The following DPP6 variants were observed in gnomAD, a reference collection of about 807,000 sequenced individuals.
DPP6 encodes A-type potassium channel modulatory protein DPP6.
Under a neutral mutation model 122.6 loss-of-function variants are expected in DPP6, and 69 were observed. That is an observed-to-expected ratio of 0.56 (90% CI 0.46 to 0.69). DPP6 has a LOEUF of 0.69. Among genes scored for constraint, DPP6 ranks in the 30% least tolerant of loss-of-function variants. The pLI is 0.00. For missense variants in DPP6, 928 were observed against 1,116.9 expected (o/e 0.83, Z 2.41); for synonymous variants, 418 against 433.1 (o/e 0.97, Z 0.43).
At chr7:154,527,997 AAAAC>A (rs1827545202) in intron 3 of DPP6, among the ~76,000 whole-genome samples, 1 of 152,184 alleles carries the variant, frequency 6.6e-6, no homozygotes, top group African/African-American at 2.4e-5. Flanking sequence ...TTTGAAAAAA[AAAAC>A]AAAAAAGGAA....
the DPP6 span, among the ~76,000 whole-genome samples, chr7:153,791,547 G>A: frequency 0.013 from 1,688 of 129,260 alleles, 3 homozygotes; most frequent in African/African-American, 0.047. Context: ...TCAGCCTCCC[G>A]TATAGCTAGG....
At chr7:154,583,512 C>T (rs1430522601) in intron 5 of DPP6, among the ~76,000 whole-genome samples, 2 of 152,162 alleles carry the variant, frequency 1.3e-5, no homozygotes, top group East Asian at 1.9e-4. Context: ...TCTTCTCTTG[C>T]GCACTCACCC....
chr7:154,295,667 C>CA (rs1451570668), intron 1 of DPP6, among the ~76,000 whole-genome samples: 4 of 152,134 alleles, frequency 2.6e-5, no homozygotes, highest in African/African-American at 9.7e-5. Context: ...ATCCACTCCC[C>CA]TTCCCCTCCC....
chr7:154,882,923 T>C (rs932455616), intron 21 of DPP6, among the ~76,000 whole-genome samples: 5 of 149,882 alleles, frequency 3.3e-5, no homozygotes, highest in East Asian at 4.0e-4. Flanking sequence ...ATCTTGGAGT[T>C]TGGCATGACC....
chr7:153,775,456 A>T, the DPP6 span, among the ~76,000 whole-genome samples: 1 of 151,662 alleles, frequency 6.6e-6, no homozygotes, highest in Non-Finnish European at 1.5e-5. Context: ...TAATGATGAA[A>T]ACTGAGTGGT....
At position 154,078,747 on chromosome 7, in the gene DPP6, C is replaced by T. The variant is rs578236823; in HGVS notation, c.243+25684C>T. On this transcript the variant is annotated intron_variant, in intron 1 of 25. Coordinates refer to ENST00000377770, the MANE Select transcript of DPP6 (RefSeq NM_130797.4). ...AGCAACTGTGTTTTCGCTTGACACA[C>T]GAAAGAACATGAAAAGCATTGGAAT... Among the ~76,000 whole-genome samples the T allele has an allele frequency of 3.9e-3, 595 of 151,966 alleles. 4 individuals are homozygous for T. The highest frequency in any genetic ancestry group is 5.5e-3 in the Non-Finnish European group (375 of 67,988).
the DPP6 span, among the ~76,000 whole-genome samples, chr7:153,764,749 C>A: frequency 1.3e-5 from 2 of 150,912 alleles, no homozygotes; most frequent in Admixed American, 6.6e-5. Flanking sequence ...GAGTTCCTTA[C>A]AAAATGGCTC....
chr7:153,765,554 A>AG, the DPP6 span, among the ~76,000 whole-genome samples: 1 of 151,520 alleles, frequency 6.6e-6, no homozygotes, highest in African/African-American at 2.4e-5. Flanking sequence ...AAAAACAAAA[A>AG]AAAAAAACAG....
rs1332497924 is a variant in DPP6, at chr7:154,063,504, A to G, written c.243+10441A>G. Among the ~76,000 whole-genome samples, 3 of 124,132 alleles carry G rather than the reference A, an allele frequency of 2.4e-5. 1 individual carries two copies. Among genetic ancestry groups the G allele is most frequent in the Non-Finnish European group, 5.2e-5 (3 of 57,792 alleles). The allele number at this position is 124,132 out of a possible 152,430, so 81.4% of individuals were successfully genotyped here. ...ATTCCCTCTTCCCCCCCTGGCTCTT[A>G]AGACCCCCATCGCAGGAGGGGGAGG... On this transcript the variant is annotated intron_variant, in intron 1 of 25. Transcript: ENST00000377770.
intron 1 of DPP6, among the ~76,000 whole-genome samples, chr7:154,123,691 GA>G (rs1419586566): frequency 2.0e-5 from 3 of 151,746 alleles, no homozygotes; most frequent in African/African-American, 7.3e-5. Context: ...GCTTACCTGG[GA>G]CAAATGTGCC....
chr7:154,581,358 G>C (rs1416283663), intron 5 of DPP6, among the ~76,000 whole-genome samples: 1 of 152,154 alleles, frequency 6.6e-6, no homozygotes, highest in Non-Finnish European at 1.5e-5. Context: ...GGGACAGGAA[G>C]AAGGGGACAG....
chr7:154,435,541 T>C (rs887034272), intron 1 of DPP6, among the ~76,000 whole-genome samples: 1 of 152,202 alleles, frequency 6.6e-6, no homozygotes, highest in African/African-American at 2.4e-5. Context: ...CCACCAATAA[T>C]GAAGACTGAG....
chr7:154,504,630 T>G (rs1825528791), intron 3 of DPP6, among the ~76,000 whole-genome samples: 1 of 152,190 alleles, frequency 6.6e-6, no homozygotes, highest in Non-Finnish European at 1.5e-5. Context: ...GTCCAACAGA[T>G]CATTACAACC....
intron 10 of DPP6, among the ~76,000 whole-genome samples, chr7:154,785,970 T>C (rs1797309818): frequency 6.6e-6 from 1 of 152,206 alleles, no homozygotes; most frequent in Non-Finnish European, 1.5e-5. Context: ...TCCCCAAGTC[T>C]GTCTCTCTGA....
intron 10 of DPP6, among the ~76,000 whole-genome samples, chr7:154,792,682 A>G (rs1339577730): frequency 6.6e-6 from 1 of 152,214 alleles, no homozygotes; most frequent in Admixed American, 6.5e-5. Flanking sequence ...ACGGGCCAGT[A>G]TGGGGAGCAG....
At chr7:153,788,981 A>T in the DPP6 span, among the ~76,000 whole-genome samples, 1 of 147,192 alleles carries the variant, frequency 6.8e-6, no homozygotes. Context: ...AAAAAAAAAA[A>T]GTATTCCTGT....
At chr7:153,786,528 A>G in the DPP6 span, among the ~76,000 whole-genome samples, 2 of 151,564 alleles carry the variant, frequency 1.3e-5, no homozygotes, top group African/African-American at 4.8e-5. Context: ...TCACGAGGTC[A>G]GGAGATCGAG....
chr7:154,465,386 G>A (rs1409926247), intron 2 of DPP6, among the ~76,000 whole-genome samples: 1 of 152,126 alleles, frequency 6.6e-6, no homozygotes, highest in Non-Finnish European at 1.5e-5. Context: ...AAGAGCTTCT[G>A]CACAACAAAA....
intron 17 of DPP6, 131 bp downstream of exon 17, chr7:154,853,958 A>G: frequency 8.1e-7 from 1 of 1,242,128 alleles, no homozygotes; most frequent in Non-Finnish European, 1.1e-6. Context: ...AGCAGTTCAG[A>G]ATAGGCCATG....
Sources: allele counts gnomAD v4.1 joint callset (sites outside exome capture counted in the v4.1 genomes callset), GRCh38; gene constraint gnomAD v4.1.1; transcripts MANE v1.5; gene names NCBI Gene and HGNC (gene_info 2026-07-23, HGNC 2026-07-21).